The following INPP4B variants were observed in gnomAD, a reference collection of about 807,000 sequenced individuals.
The protein encoded by INPP4B is inositol polyphosphate-4-phosphatase type II B, also known as inositol polyphosphate 4-phosphatase type II.
A neutral mutation model predicts 122.5 loss-of-function variants in INPP4B; 55 were observed. The ratio of observed to expected loss-of-function variants is 0.45; its 90% CI spans 0.36 to 0.56. The LOEUF (loss-of-function observed/expected upper bound fraction) is 0.56, where lower values mean the gene tolerates loss of function less well. INPP4B is among the 20% of genes least tolerant of loss of function. The pLI, the probability that INPP4B is intolerant of heterozygous loss-of-function variation, is 0.00. For synonymous variants in INPP4B, 403 were observed against 388.7 expected (o/e 1.04, Z -0.43); for missense variants, 1,000 against 1,097.7 (o/e 0.91, Z 1.26).
At chr4:142,814,324 C>T (rs1309915801) in intron 1 of INPP4B, among the ~76,000 whole-genome samples, 1 of 152,104 alleles carries the variant, frequency 6.6e-6, no homozygotes, top group African/African-American at 2.4e-5. Flanking sequence ...CCCAACATCC[C>T]AGAAGTTAAA....
intron 2 of INPP4B, among the ~76,000 whole-genome samples, chr4:142,656,555 G>A (rs1754174851): frequency 6.6e-6 from 1 of 152,116 alleles, no homozygotes; most frequent in African/African-American, 2.4e-5. Flanking sequence ...CTGGGGCTAG[G>A]ATGCATGGCC....
chr4:142,086,800 A>T (rs1359623280), intron 23 of INPP4B, among the ~76,000 whole-genome samples: 1 of 152,194 alleles, frequency 6.6e-6, no homozygotes, highest in Non-Finnish European at 1.5e-5. Context: ...TGGTAATATC[A>T]AGTGGTCCTA....
In INPP4B at chr4:142,827,096, G is replaced by A. The variant is rs118125082; in HGVS notation, c.-254+19113C>T. ...TTCTAGGCCTGTTGTTTGGAAAGCC[G>A]CAAGTGCTTTATTCTGAGGGTCAGT... On this transcript the variant is annotated intron_variant, in intron 1 of 25. Coordinates refer to ENST00000262992, the MANE Select transcript of INPP4B (RefSeq NM_001101669.3). Among the ~76,000 whole-genome samples, 148 of 152,240 alleles carry A rather than the reference G, an allele frequency of 9.7e-4. 4 individuals are homozygous for A. The East Asian group carries it at 0.026, about 27-fold the overall frequency.
chr4:142,072,324 C>T (rs336364), intron 25 of INPP4B, among the ~76,000 whole-genome samples: 120,500 of 150,966 alleles, frequency 0.8, 50,851 homozygotes, highest in Non-Finnish European at 0.92. Context: ...CATCACACAT[C>T]GGGGCCTGTC....
intron 5 of INPP4B, among the ~76,000 whole-genome samples, chr4:142,417,623 G>A (rs1806040941): frequency 6.6e-6 from 1 of 151,988 alleles, no homozygotes; most frequent in Admixed American, 6.6e-5. Flanking sequence ...AGAGTTTCAG[G>A]GACAGAAAGG....
At chr4:142,313,185 A>G (rs1297302256) in intron 8 of INPP4B, among the ~76,000 whole-genome samples, 1 of 152,148 alleles carries the variant, frequency 6.6e-6, no homozygotes, top group African/African-American at 2.4e-5. Flanking sequence ...CATGAGTGAG[A>G]GAAAAAAATT....
At chr4:142,809,511 C>T (rs1652895106) in intron 1 of INPP4B, among the ~76,000 whole-genome samples, 1 of 152,052 alleles carries the variant, frequency 6.6e-6, no homozygotes, top group African/African-American at 2.4e-5. Flanking sequence ...CCAGGTACCT[C>T]TATAGTAATA....
At chr4:142,554,898 C>T (rs67311549) in intron 2 of INPP4B, among the ~76,000 whole-genome samples, 46,230 of 152,020 alleles carry the variant, frequency 0.3, 8,210 homozygotes, top group East Asian at 0.79. Flanking sequence ...TGAGCTTCAG[C>T]GGATGCTATT....
At chr4:142,352,332 C>T (rs778052563) in intron 7 of INPP4B, among the ~76,000 whole-genome samples, 12 of 151,846 alleles carry the variant, frequency 7.9e-5, no homozygotes, top group Non-Finnish European at 1.6e-4. Flanking sequence ...ACAAAGGCTA[C>T]AAAAATAATA....
At chr4:142,755,315 C>T (rs967636283) in intron 1 of INPP4B, among the ~76,000 whole-genome samples, 5 of 151,918 alleles carry the variant, frequency 3.3e-5, no homozygotes, top group African/African-American at 1.2e-4. Flanking sequence ...TCACTAGAAT[C>T]AATTAAAAAT....
At chr4:142,281,579 A>C (rs774392142) in intron 9 of INPP4B, among the ~76,000 whole-genome samples, 22 of 151,966 alleles carry the variant, frequency 1.4e-4, no homozygotes, top group Non-Finnish European at 2.5e-4. Context: ...TGTCTTTTTA[A>C]TGGTAGGAAA....
chr4:142,122,607 G>A (rs1468510190), intron 20 of INPP4B, among the ~76,000 whole-genome samples: 3 of 151,998 alleles, frequency 2.0e-5, no homozygotes, highest in African/African-American at 7.2e-5. Flanking sequence ...CACTGACCCA[G>A]GTTCATGCTA....
At chr4:142,444,705 A>G (rs1812532628) in intron 3 of INPP4B, among the ~76,000 whole-genome samples, 1 of 152,132 alleles carries the variant, frequency 6.6e-6, no homozygotes, top group Admixed American at 6.5e-5. Flanking sequence ...AGACACATGC[A>G]CATGTATGTT....
chr4:142,088,535 T>C (rs1218738624), intron 23 of INPP4B, among the ~76,000 whole-genome samples: 1 of 152,136 alleles, frequency 6.6e-6, no homozygotes, highest in Non-Finnish European at 1.5e-5. Flanking sequence ...TGCACATGCA[T>C]GCCTGTATGT....
At chr4:142,139,318 A>ATTC (rs1806472503) in intron 18 of INPP4B, among the ~76,000 whole-genome samples, 1 of 151,860 alleles carries the variant, frequency 6.6e-6, no homozygotes, top group Non-Finnish European at 1.5e-5. Flanking sequence ...TATTATTATT[A>ATTC]TTATTTTAGA....
At chr4:142,629,531 A>T (rs1340697070) in intron 2 of INPP4B, among the ~76,000 whole-genome samples, 1 of 152,002 alleles carries the variant, frequency 6.6e-6, no homozygotes, top group South Asian at 2.1e-4. Context: ...TGTGTGTTTG[A>T]GGGGCAGAGA....
chr4:142,782,995 C>A (rs1327115271), intron 1 of INPP4B, among the ~76,000 whole-genome samples: 1 of 151,940 alleles, frequency 6.6e-6, no homozygotes, highest in Non-Finnish European at 1.5e-5. Context: ...CTTCCTTACA[C>A]CTTATACAAA....
chr4:142,373,497 T>C (rs952759547), intron 7 of INPP4B, among the ~76,000 whole-genome samples: 3 of 152,016 alleles, frequency 2.0e-5, no homozygotes, highest in Non-Finnish European at 4.4e-5. Context: ...CGAAGCTAAA[T>C]GGCCTGGTTC....
chr4:142,728,238 G>A (rs1179657623), intron 1 of INPP4B, among the ~76,000 whole-genome samples: 1 of 152,228 alleles, frequency 6.6e-6, no homozygotes, highest in East Asian at 1.9e-4. Context: ...GCTTGACTAC[G>A]AAACACTGTT....
Sources: gnomAD v4.1 joint callset for allele counts (sites outside exome capture counted in the v4.1 genomes callset) on GRCh38, gnomAD v4.1.1 for gene constraint, MANE v1.5 for transcripts, NCBI Gene and HGNC (gene_info 2026-07-23, HGNC 2026-07-21) for gene names.